Variants in SMYD2 observed in about 807,000 individuals in gnomAD.
The protein encoded by SMYD2 is N-lysine methyltransferase SMYD2.
SMYD2 carries 53 observed loss-of-function variants against 59.1 expected under a neutral mutation model. The observed-to-expected ratio is 0.90, with a 90% confidence interval of 0.72 to 1.13. SMYD2 has a LOEUF of 1.13. SMYD2 is among the 50% of genes most tolerant of loss of function. The pLI is 0.00. For missense variants in SMYD2, 494 were observed against 544.7 expected (o/e 0.91, Z 0.93); for synonymous variants, 208 against 198.8 (o/e 1.05, Z -0.39).
rs1384380241 is a variant in SMYD2 at position 214,337,010 on chromosome 1, A to G, written c.*226A>G. 6.5e-6 allele frequency: 3 copies of G among 459,294 alleles called. No homozygotes were observed. Among genetic ancestry groups the G allele is most frequent in the East Asian group, 4.2e-5 (1 of 23,722 alleles). 28.5% of individuals were successfully genotyped at this position (459,294 alleles called of 1,614,324 possible). On this transcript the variant is annotated 3_prime_UTR_variant, in exon 12 of 12. Transcript: ENST00000366957. ...CTTTTGTTTCCTAAGAGATAATGGC[A>G]TGGTTTCATATGTTATACTTTGGAC...
At chr1:214,331,813 A>G (rs1657358694) in intron 9 of SMYD2, 1 of 547,430 alleles carries the variant, frequency 1.8e-6, no homozygotes, top group Non-Finnish European at 3.2e-6. Flanking sequence ...AAAATTCTTG[A>G]GTTGAGCGGT....
chr1:214,298,178 A>C (rs1013711201), intron 1 of SMYD2, among the ~76,000 whole-genome samples: 1 of 152,222 alleles, frequency 6.6e-6, no homozygotes, highest in African/African-American at 2.4e-5. Context: ...TGGTAACCAA[A>C]ACAGCATGGT....
intron 1 of SMYD2, among the ~76,000 whole-genome samples, chr1:214,299,186 T>TGG (rs1426705755): frequency 4.0e-5 from 6 of 151,842 alleles, no homozygotes; most frequent in African/African-American, 1.5e-4. Context: ...TAACAGATGC[T>TGG]GGTGAGGCTG....
chr1:214,324,582 C>A, intron 5 of SMYD2, 59 bp from the exon 6 acceptor site: 22 of 1,433,458 alleles, frequency 1.5e-5, no homozygotes, highest in Non-Finnish European at 1.8e-5. Flanking sequence ...AAAAAATGAT[C>A]TCTACCCAGA....
At position 214,335,249 on chromosome 1, in the gene SMYD2, CA is replaced by C. The variant is rs1657417514; in HGVS notation, c.1221+942del. The stretch of plus-strand genomic sequence containing the variant: ...AGGCCCACATCCCAAATAGAAGGGT[CA>C]GGGCACAGCCAGGCTGGAAGGGAGC... On this transcript the variant is annotated intron_variant, in intron 11 of 11. Coordinates refer to ENST00000366957, the MANE Select transcript of SMYD2 (RefSeq NM_020197.3). Among the ~76,000 whole-genome samples the C allele has an allele frequency of 2.0e-5, 3 of 152,232 alleles. 1 individual carries two copies. In the South Asian group the frequency reaches 6.2e-4, roughly 32 times the overall value.
At chr1:214,326,396 C>T (rs978416823) in intron 6 of SMYD2, among the ~76,000 whole-genome samples, 8 of 152,154 alleles carry the variant, frequency 5.3e-5, no homozygotes, top group Non-Finnish European at 1.2e-4. Flanking sequence ...CTGCCTTCAG[C>T]TATTTAATAC....
At chr1:214,310,809 G>A (rs766857789) in intron 2 of SMYD2, among the ~76,000 whole-genome samples, 1 of 152,170 alleles carries the variant, frequency 6.6e-6, no homozygotes, top group Admixed American at 6.5e-5. Flanking sequence ...GGTAGTTGCC[G>A]CTGTCAGGTT....
At chr1:214,332,615 C>T in intron 10 of SMYD2, 1 of 155,584 alleles carries the variant, frequency 6.4e-6, no homozygotes, top group Non-Finnish European at 1.4e-5. Context: ...CCCCAGTTTG[C>T]AAATGGGGAA....
chr1:214,318,275 C>T lies in SMYD2; in HGVS notation c.409+136C>T. 1 of 782,960 alleles carries T rather than the reference C, an allele frequency of 1.3e-6. No individual in the cohort carries two copies. The highest frequency in any genetic ancestry group is 2.0e-6 in the Non-Finnish European group (1 of 498,600). 48.5% of individuals were successfully genotyped at this position (782,960 alleles called of 1,614,324 possible). Reference sequence around the variant, plus strand: ...CTTTGATTACTAGTTTTTATTTTTACTCTTGTGCTGTTTCGAAAAGCACTT... The same window carrying T: ...CTTTGATTACTAGTTTTTATTTTTATTCTTGTGCTGTTTCGAAAAGCACTT... On this transcript the variant is annotated intron_variant, in intron 4 of 11. Coordinates refer to ENST00000366957, the MANE Select transcript of SMYD2 (RefSeq NM_020197.3). This position sits in a 1 kb window ranked among gnomAD's most constrained non-coding sequence, Gnocchi z 5.4.
Position 214,330,750 on chromosome 1 carries a change from C to T in SMYD2, c.817-200C>T, listed in dbSNP as rs550194136. ...GATAAGGAGTATCTAGAAAATTAATCTTTTTGTTTTGTTTCTGTAAAAAGG... is the reference window on the plus strand; with the variant it reads ...GATAAGGAGTATCTAGAAAATTAATTTTTTTGTTTTGTTTCTGTAAAAAGG... On this transcript the variant is annotated intron_variant, in intron 8 of 11. Coordinates refer to ENST00000366957, the MANE Select transcript of SMYD2 (RefSeq NM_020197.3). 2.0e-5 allele frequency among the ~76,000 whole-genome samples: 3 copies of T among 152,330 alleles called. No homozygotes were observed. In the East Asian group the frequency reaches 5.8e-4, roughly 29 times the overall value.
chr1:214,332,431 G>T (rs1365421319), intron 10 of SMYD2: 1 of 480,746 alleles, frequency 2.1e-6, no homozygotes, highest in Non-Finnish European at 3.7e-6. Context: ...ATCCCTCCCA[G>T]GTCCATCCAG....
At chr1:214,291,262 A>G (rs1481022393) in intron 1 of SMYD2, among the ~76,000 whole-genome samples, 1 of 152,232 alleles carries the variant, frequency 6.6e-6, no homozygotes, top group Non-Finnish European at 1.5e-5. Flanking sequence ...AGGCTTCAGC[A>G]GATGCTGTAT....
At chr1:214,329,335 C>T (rs1463106319) in intron 7 of SMYD2, among the ~76,000 whole-genome samples, 4 of 152,050 alleles carry the variant, frequency 2.6e-5, no homozygotes, top group South Asian at 4.2e-4. Context: ...TGGTGGTGCC[C>T]GTGGTCACTG....
chr1:214,332,444 C>A, intron 10 of SMYD2: 1 of 418,764 alleles, frequency 2.4e-6, no homozygotes, highest in Non-Finnish European at 4.3e-6. Flanking sequence ...CCATCCAGGG[C>A]CATATCCATA....
At chr1:214,299,613 C>T (rs1411062105) in intron 1 of SMYD2, among the ~76,000 whole-genome samples, 1 of 151,918 alleles carries the variant, frequency 6.6e-6, no homozygotes, top group Non-Finnish European at 1.5e-5. Flanking sequence ...GTTCTCACTT[C>T]TTTGTTGTTG....
rs913124901 is a variant in SMYD2 at position 214,336,903 on chromosome 1, C to G, written c.*119C>G. 9 of 855,462 alleles carry G rather than the reference C, an allele frequency of 1.1e-5. No homozygotes were observed. The African/African-American group carries it at 1.5e-4, about 15-fold the overall frequency. The allele number at this position is 855,462 out of a possible 1,614,324, so 53.0% of individuals were successfully genotyped here. A position where few individuals can be genotyped will look rare whatever the true frequency, so the allele number is the denominator to read the frequency against. Reference sequence around the variant, plus strand: ...CTGTAAAATAATTGGAATGAAAATACTTCTTGCACTTAAACACTGCACATG... The same window carrying G: ...CTGTAAAATAATTGGAATGAAAATAGTTCTTGCACTTAAACACTGCACATG... On this transcript the variant is annotated 3_prime_UTR_variant, in exon 12 of 12. Coordinates refer to ENST00000366957, the MANE Select transcript of SMYD2 (RefSeq NM_020197.3).
chr1:214,305,343 G>T, intron 2 of SMYD2, 93 bp downstream of exon 2: 1 of 1,222,746 alleles, frequency 8.2e-7, no homozygotes, highest in Admixed American at 1.7e-5. Flanking sequence ...CCTGGAGCCA[G>T]AGCTGGAAAG....
chr1:214,330,680 G>A (rs144550159), intron 8 of SMYD2, among the ~76,000 whole-genome samples: 136 of 152,302 alleles, frequency 8.9e-4, no homozygotes, highest in African/African-American at 3.1e-3. Flanking sequence ...CTCTTGATTC[G>A]TAGATGTGTA....
At chr1:214,336,368 T>C (rs150996387) in intron 11 of SMYD2, among the ~76,000 whole-genome samples, 1,679 of 152,180 alleles carry the variant, frequency 0.011, 16 homozygotes, top group African/African-American at 0.038. Flanking sequence ...CCGTGTCTAC[T>C]AAAAATACAA....
Sources: gnomAD v4.1 joint callset for allele counts (sites outside exome capture counted in the v4.1 genomes callset) on GRCh38, gnomAD v4.1.1 for gene constraint, Gnocchi (gnomAD v3.1) non-coding constraint, MANE v1.5 for transcripts, NCBI Gene and HGNC (gene_info 2026-07-23, HGNC 2026-07-21) for gene names.